SPATA7: variants seen among roughly 807,000 people sequenced by gnomAD.
SPATA7 encodes spermatogenesis-associated protein 7.
Under a neutral mutation model 51.8 loss-of-function variants are expected in SPATA7, and 43 were observed. The observed-to-expected ratio is 0.83, with a 90% CI of 0.65 to 1.07. The LOEUF (loss-of-function observed/expected upper bound fraction) is 1.07, where lower values mean the gene tolerates loss of function less well. Among genes scored for constraint, SPATA7 ranks in the 50% least tolerant of loss-of-function variants. SPATA7 has a pLI of 0.00. For missense variants in SPATA7, 683 were observed against 701.3 expected, an observed-to-expected ratio of 0.97 and a Z score of 0.30; for synonymous variants, 230 against 252.8, an observed-to-expected ratio of 0.91 and a Z score of 0.86.
At chr14:88,441,127 T>A (rs429999), downstream of SPATA7, among the ~76,000 whole-genome samples, 82,245 of 151,950 alleles carry the variant, frequency 0.54, 24,978 homozygotes, top group Admixed American at 0.69. Context: ...GGTCTCCAAT[T>A]CCATCTAGGT....
intron 5 of SPATA7, among the ~76,000 whole-genome samples, chr14:88,424,654 C>T (rs1252614918): frequency 6.6e-6 from 1 of 152,044 alleles, no homozygotes; most frequent in African/African-American, 2.4e-5. Context: ...GAAATTTCTT[C>T]TTTGAGAGCT....
intron 5 of SPATA7, among the ~76,000 whole-genome samples, chr14:88,425,959 C>A (rs2076778281): frequency 6.6e-6 from 1 of 152,116 alleles, no homozygotes; most frequent in Non-Finnish European, 1.5e-5. Context: ...TCTTAATATG[C>A]AAGTTGAAGA....
At position 88,393,586 on chromosome 14, in the gene SPATA7, ATATG is replaced by A. The variant is rs143288964; in HGVS notation, c.190+99_190+102del. 8,293 of 890,646 alleles carry A rather than the reference ATATG, an allele frequency of 9.3e-3. 452 individuals are homozygous for A. The African/African-American group carries it at 0.12, about 13-fold the overall frequency. 55.2% of individuals were successfully genotyped at this position (890,646 alleles called of 1,614,324 possible). A position where few individuals can be genotyped will look rare whatever the true frequency, so the allele number is the denominator to read the frequency against. ...TATAGCAAAAATGAATACCTTATAT[ATATG>A]AGAGGATTTGTATTTGTTTGGTTTA... On this transcript the variant is annotated intron_variant, in intron 3 of 11. Transcript: ENST00000393545.
chr14:88,461,561 C>G (rs1353903753), intron 4 of SPATA7, among the ~76,000 whole-genome samples: 1 of 152,214 alleles, frequency 6.6e-6, no homozygotes, highest in African/African-American at 2.4e-5. Context: ...ATTGGAAAAG[C>G]TCAGTATTTG....
chr14:88,400,430 A>AGGATTT (rs1470789473), intron 4 of SPATA7, among the ~76,000 whole-genome samples: 1 of 152,214 alleles, frequency 6.6e-6, no homozygotes, highest in African/African-American at 2.4e-5. Context: ...AGAATAAACT[A>AGGATTT]AGCCCACCTC....
intron 10 of SPATA7, among the ~76,000 whole-genome samples, chr14:88,436,883 A>G (rs1406310158): frequency 6.6e-6 from 1 of 151,834 alleles, no homozygotes; most frequent in South Asian, 2.1e-4. Flanking sequence ...TGTTCTTTTT[A>G]CTTAGGATAG....
At chr14:88,441,236 C>G (rs567622156), downstream of SPATA7, among the ~76,000 whole-genome samples, 46 of 152,006 alleles carry the variant, frequency 3.0e-4, no homozygotes, top group African/African-American at 1.1e-3. Flanking sequence ...TTTTCATTAT[C>G]CACTTGTTGA....
intron 7 of SPATA7, chr14:88,429,078 A>AT (rs1220847661): frequency 4.2e-6 from 1 of 238,650 alleles, no homozygotes; most frequent in African/African-American, 2.3e-5. Flanking sequence ...AATTTGCTTC[A>AT]TTTTTCCCTT....
intron 1 of SPATA7, among the ~76,000 whole-genome samples, chr14:88,388,224 G>T (rs1021281506): frequency 6.6e-6 from 1 of 152,100 alleles, no homozygotes; most frequent in Non-Finnish European, 1.5e-5. Flanking sequence ...GTTTTGATCT[G>T]TTGGTCTCAT....
At chr14:88,465,195 A>G (rs1264769339) in intron 4 of SPATA7, among the ~76,000 whole-genome samples, 1 of 152,178 alleles carries the variant, frequency 6.6e-6, no homozygotes, top group East Asian at 1.9e-4. Context: ...GGCTGGACAC[A>G]GTGGCTCACG....
Position 88,469,391 on chromosome 14 carries a change from A to T in SPATA7, c.255-456A>T. The T allele has an allele frequency of 9.9e-7, 1 of 1,011,914 alleles. No individual in the cohort carries two copies. The highest frequency in any genetic ancestry group is 1.5e-6 in the Non-Finnish European group (1 of 686,012). The allele number at this position is 1,011,914 out of a possible 1,614,324, so 62.7% of individuals were successfully genotyped here. A position where few individuals can be genotyped will look rare whatever the true frequency, so the allele number is the denominator to read the frequency against. ...TATTCTTTATGTTAAAACAAGTCCG[A>T]AGCTTATATGAGATAACATAAAGGA... On this transcript the variant is annotated intron_variant, in intron 4 of 4. Coordinates refer to the SPATA7 transcript ENST00000556406. This position sits in a 1 kb window ranked among gnomAD's most constrained non-coding sequence, Gnocchi z 4.3.
At chr14:88,463,987 C>T (rs561818425) in intron 4 of SPATA7, among the ~76,000 whole-genome samples, 1 of 151,686 alleles carries the variant, frequency 6.6e-6, no homozygotes, top group African/African-American at 2.4e-5. Context: ...TAGCTGGACA[C>T]GTGCCACCAT....
At chr14:88,389,538 A>G (rs2075682202) in intron 1 of SPATA7, among the ~76,000 whole-genome samples, 1 of 152,176 alleles carries the variant, frequency 6.6e-6, no homozygotes, top group African/African-American at 2.4e-5. Context: ...ACATGTATCT[A>G]TAGGAATATT....
At chr14:88,438,855 G>T (rs1330841597), downstream of SPATA7, among the ~76,000 whole-genome samples, 1 of 152,202 alleles carries the variant, frequency 6.6e-6, no homozygotes, top group Non-Finnish European at 1.5e-5. Context: ...AGGAAAACCA[G>T]AGAGATTCTG....
chr14:88,411,533 T>A (rs1266596147), intron 4 of SPATA7, among the ~76,000 whole-genome samples: 1 of 152,126 alleles, frequency 6.6e-6, no homozygotes, highest in East Asian at 1.9e-4. Context: ...GTCCGTGGGT[T>A]GCAAAGACCA....
rs2075549885 is a variant in SPATA7 at position 88,385,729 on chromosome 14, CCA to C, written c.-89_-88del. 7.6e-7 allele frequency: 1 copy of C among 1,321,994 alleles called. No homozygotes were observed. Among genetic ancestry groups the C allele is most frequent in the Non-Finnish European group, 1.1e-6 (1 of 934,984 alleles). The allele number at this position is 1,321,994 out of a possible 1,614,324, so 81.9% of individuals were successfully genotyped here. A position where few individuals can be genotyped will look rare whatever the true frequency, so the allele number is the denominator to read the frequency against. The stretch of plus-strand genomic sequence containing the variant: ...TGCAGCCCCCGTCGGCTCCTCTTTT[CCA>C]GTCCTCCACTGCCGGGGCTGGGCCC... On this transcript the variant is annotated 5_prime_UTR_variant, in exon 1 of 12. Transcript: ENST00000393545.
intron 11 of SPATA7, 112 bp from the exon 12 acceptor site, chr14:88,437,726 G>A: frequency 1.5e-6 from 2 of 1,336,136 alleles, no homozygotes; most frequent in Middle Eastern, 3.7e-4. Flanking sequence ...TTTGAGGGTG[G>A]TGGTGGGAGA....
Position 88,469,369 on chromosome 14 carries a change from T to G in SPATA7, c.255-478T>G. Reference sequence around the variant, plus strand: ...TTAACCCTCCCCAAAACACTTGTATTCTTTATGTTAAAACAAGTCCGAAGC... The same window carrying G: ...TTAACCCTCCCCAAAACACTTGTATGCTTTATGTTAAAACAAGTCCGAAGC... On this transcript the variant is annotated intron_variant, in intron 4 of 4. Transcript: ENST00000556406. This position sits in a 1 kb window ranked among gnomAD's most constrained non-coding sequence, Gnocchi z 4.3. The G allele has an allele frequency of 1.1e-6, 1 of 880,724 alleles. No individual in the cohort carries two copies. Among genetic ancestry groups the G allele is most frequent in the Admixed American group, 2.6e-5 (1 of 38,890 alleles). The allele number at this position is 880,724 out of a possible 1,614,324, so 54.6% of individuals were successfully genotyped here.
At chr14:88,410,991 C>G (rs1215620654) in intron 4 of SPATA7, among the ~76,000 whole-genome samples, 1 of 151,804 alleles carries the variant, frequency 6.6e-6, no homozygotes, top group East Asian at 1.9e-4. Flanking sequence ...CACCCCTTCT[C>G]CCAGGTGCTC....
Sources: allele counts gnomAD v4.1 joint callset (sites outside exome capture counted in the v4.1 genomes callset), GRCh38; gene constraint gnomAD v4.1.1; non-coding constraint Gnocchi (gnomAD v3.1); transcripts MANE v1.5; gene names NCBI Gene and HGNC (gene_info 2026-07-23, HGNC 2026-07-21).